MGMT: variants seen among roughly 807,000 people sequenced by gnomAD.
MGMT encodes methylated-DNA--protein-cysteine methyltransferase.
A neutral mutation model predicts 15.9 loss-of-function variants in MGMT; 14 were observed. The observed-to-expected ratio is 0.88, with a 90% CI of 0.58 to 1.37. The LOEUF (loss-of-function observed/expected upper bound fraction) is 1.37. Among genes scored for constraint, MGMT ranks in the 40% most tolerant of loss-of-function variants. MGMT has a pLI of 0.00. For synonymous variants in MGMT, 130 were observed against 118.2 expected (o/e 1.10, Z -0.65); for missense variants, 282 against 268.1 (o/e 1.05, Z -0.36).
At chr10:129,526,090 G>A (rs1167111611) in intron 1 of MGMT, among the ~76,000 whole-genome samples, 1 of 152,206 alleles carries the variant, frequency 6.6e-6, no homozygotes, top group Non-Finnish European at 1.5e-5. Context: ...TCCACGGGGA[G>A]ACCCCTGGTT....
intron 2 of MGMT, among the ~76,000 whole-genome samples, chr10:129,664,360 T>A: frequency 6.6e-6 from 1 of 152,190 alleles, no homozygotes; most frequent in East Asian, 1.9e-4. Context: ...ATTGAGAAAA[T>A]GACTAAGTGT....
At chr10:129,491,232 A>G (rs1184087113) in intron 1 of MGMT, among the ~76,000 whole-genome samples, 1 of 151,994 alleles carries the variant, frequency 6.6e-6, no homozygotes, top group East Asian at 1.9e-4. Flanking sequence ...ATAGTTATTG[A>G]TTGTTGAGTT....
At chr10:129,549,208 G>A (rs1846128875) in intron 2 of MGMT, among the ~76,000 whole-genome samples, 1 of 152,118 alleles carries the variant, frequency 6.6e-6, no homozygotes, top group Admixed American at 6.5e-5. Context: ...CTTCAGTTTT[G>A]CAGCTTTTCT....
At position 129,481,174 on chromosome 10, in the gene MGMT, C is replaced by T. The variant is rs576018183; in HGVS notation, c.-13+13878C>T. Among the ~76,000 whole-genome samples, 14 of 152,312 alleles carry T rather than the reference C, an allele frequency of 9.2e-5. No homozygotes were observed. In the East Asian group the frequency reaches 1.3e-3, roughly 15 times the overall value. On this transcript the variant is annotated intron_variant, in intron 1 of 4. Coordinates refer to ENST00000651593, the MANE Select transcript of MGMT (RefSeq NM_002412.5). Reference sequence around the variant, plus strand: ...GGCTTCTGTGTTGTCTTTCACCGTGCGGTGTGTGGTCAGCCATAGTTTGTG... The same window carrying T: ...GGCTTCTGTGTTGTCTTTCACCGTGTGGTGTGTGGTCAGCCATAGTTTGTG...
intron 2 of MGMT, among the ~76,000 whole-genome samples, chr10:129,568,977 T>C (rs1846386263): frequency 6.6e-6 from 1 of 152,222 alleles, no homozygotes; most frequent in Non-Finnish European, 1.5e-5. Context: ...GCCTCACACA[T>C]TGGGCTTCTG....
intron 1 of MGMT, among the ~76,000 whole-genome samples, chr10:129,487,746 A>G (rs1478252342): frequency 6.6e-6 from 1 of 151,614 alleles, no homozygotes; most frequent in Non-Finnish European, 1.5e-5. Context: ...TTCTTCTCCC[A>G]GTTTGTGGCC....
At chr10:129,679,837 A>C (rs116994448) in intron 2 of MGMT, among the ~76,000 whole-genome samples, 1,920 of 152,322 alleles carry the variant, frequency 0.013, 19 homozygotes, top group Admixed American at 0.022. Context: ...CATATACCAG[A>C]CAACACATCA....
At chr10:129,675,155 C>T (rs2133115544) in intron 2 of MGMT, among the ~76,000 whole-genome samples, 1 of 152,316 alleles carries the variant, frequency 6.6e-6, no homozygotes, top group Non-Finnish European at 1.5e-5. Flanking sequence ...ACAGAGGACC[C>T]AGCTGAGGGC....
intron 3 of MGMT, among the ~76,000 whole-genome samples, chr10:129,709,852 G>A (rs1001789138): frequency 5.3e-5 from 8 of 152,120 alleles, no homozygotes; most frequent in East Asian, 1.9e-4. Context: ...AGGAAGAACC[G>A]GAGGAGGAGG....
At chr10:129,691,259 C>A (rs1847966503) in intron 2 of MGMT, among the ~76,000 whole-genome samples, 1 of 152,204 alleles carries the variant, frequency 6.6e-6, no homozygotes, top group South Asian at 2.1e-4. Context: ...GTGTCTGTCC[C>A]CTGCCGGTCC....
chr10:129,539,190 T>C (rs1846017211), intron 2 of MGMT, among the ~76,000 whole-genome samples: 2 of 152,228 alleles, frequency 1.3e-5, no homozygotes, highest in Non-Finnish European at 2.9e-5. Context: ...ATTTGTCTAC[T>C]GTAATGTCTG....
intron 2 of MGMT, among the ~76,000 whole-genome samples, chr10:129,622,923 C>G (rs1847106419): frequency 6.6e-6 from 1 of 152,190 alleles, no homozygotes; most frequent in Non-Finnish European, 1.5e-5. Context: ...GTTTCGTTGG[C>G]TGGCAGGATC....
At chr10:129,497,236 A>C (rs917200022) in intron 1 of MGMT, among the ~76,000 whole-genome samples, 1 of 152,180 alleles carries the variant, frequency 6.6e-6, no homozygotes, top group African/African-American at 2.4e-5. Context: ...GAGGCAGGCA[A>C]GCAGCATCAG....
intron 3 of MGMT, among the ~76,000 whole-genome samples, chr10:129,713,823 C>A (rs904799416): frequency 3.9e-5 from 6 of 152,144 alleles, no homozygotes; most frequent in Non-Finnish European, 7.3e-5. Context: ...ACCAGATCCC[C>A]GCCAATGTCC....
At chr10:129,671,042 T>G (rs1268951060) in intron 2 of MGMT, among the ~76,000 whole-genome samples, 1 of 152,216 alleles carries the variant, frequency 6.6e-6, no homozygotes, top group Admixed American at 6.5e-5. Flanking sequence ...AAGAATACCT[T>G]TTCAGCAGCA....
chr10:129,507,540 C>T (rs771613246), intron 1 of MGMT, among the ~76,000 whole-genome samples: 51 of 152,236 alleles, frequency 3.4e-4, no homozygotes, highest in Non-Finnish European at 5.7e-4. Flanking sequence ...GAATTGGGGA[C>T]AGGGGTGCCC....
At chr10:129,510,196 C>A (rs1037540292) in intron 1 of MGMT, among the ~76,000 whole-genome samples, 2 of 149,638 alleles carry the variant, frequency 1.3e-5, no homozygotes, top group Admixed American at 6.6e-5. Flanking sequence ...AGAGATGATC[C>A]CTCGGAGAAT....
intron 2 of MGMT, among the ~76,000 whole-genome samples, chr10:129,654,743 C>T (rs1232373072): frequency 6.6e-6 from 1 of 152,004 alleles, no homozygotes; most frequent in Non-Finnish European, 1.5e-5. Context: ...CTGGCCCTGG[C>T]AGGCAGGACA....
intron 1 of MGMT, among the ~76,000 whole-genome samples, chr10:129,519,955 A>G (rs6482741): frequency 0.25 from 37,762 of 151,994 alleles, 5,643 homozygotes; most frequent in African/African-American, 0.42. Flanking sequence ...GATTGCGTGA[A>G]GCCAGAAGTT....
Sources: gnomAD v4.1 joint callset for allele counts (sites outside exome capture counted in the v4.1 genomes callset) on GRCh38, gnomAD v4.1.1 for gene constraint, MANE v1.5 for transcripts, NCBI Gene and HGNC (gene_info 2026-07-23, HGNC 2026-07-21) for gene names.